RSU1: variants seen among roughly 807,000 people sequenced by gnomAD.
The protein encoded by RSU1 is Ras suppressor protein 1, also known as rsu-1.
RSU1 carries 26 observed loss-of-function variants against 31.1 expected under a neutral mutation model. The ratio of observed to expected loss-of-function variants is 0.84; its 90% CI spans 0.61 to 1.16. The LOEUF (loss-of-function observed/expected upper bound fraction) is 1.16. RSU1 is among the 50% of genes most tolerant of loss of function. RSU1 has a pLI of 0.00. For missense variants in RSU1, 320 were observed against 339.1 expected (o/e 0.94, Z 0.44); for synonymous variants, 164 against 136.3 (o/e 1.20, Z -1.41).
Position 16,643,174 on chromosome 10 carries a change from G to A in RSU1, c.732-49678C>T, listed in dbSNP as rs553098428. On this transcript the variant is annotated intron_variant, in intron 8 of 8. Coordinates refer to ENST00000345264, the MANE Select transcript of RSU1 (RefSeq NM_012425.4). ...TATGAACTCAGTAATGCCCAGCTATGGGGGTGATATGGATTTGTCTGGATG... is the reference window on the plus strand; with the variant it reads ...TATGAACTCAGTAATGCCCAGCTATAGGGGTGATATGGATTTGTCTGGATG... Among the ~76,000 whole-genome samples, 3 of 152,260 alleles carry A rather than the reference G, an allele frequency of 2.0e-5. No homozygotes were observed. In the East Asian group the frequency reaches 5.8e-4, roughly 29 times the overall value.
At chr10:16,658,062 G>A (rs1476484424) in intron 8 of RSU1, among the ~76,000 whole-genome samples, 1 of 152,056 alleles carries the variant, frequency 6.6e-6, no homozygotes, top group Non-Finnish European at 1.5e-5. Context: ...ATGCCCCGGG[G>A]GATTCTTCTA....
intron 8 of RSU1, among the ~76,000 whole-genome samples, chr10:16,653,659 C>T (rs1432246770): frequency 3.9e-5 from 6 of 151,948 alleles, no homozygotes. Flanking sequence ...GCTACAAACA[C>T]TGAGTATTAT....
At chr10:16,660,821 A>ATT (rs766684673) in intron 8 of RSU1, among the ~76,000 whole-genome samples, 21 of 151,226 alleles carry the variant, frequency 1.4e-4, no homozygotes, top group Middle Eastern at 3.2e-3. Context: ...TAATTTTTGT[A>ATT]TTTTTAGTAG....
intron 8 of RSU1, among the ~76,000 whole-genome samples, chr10:16,618,737 C>G (rs1190646395): frequency 6.6e-6 from 1 of 152,182 alleles, no homozygotes; most frequent in Admixed American, 6.5e-5. Context: ...AACAGAAAAC[C>G]AGACACCACA....
intron 2 of RSU1, among the ~76,000 whole-genome samples, chr10:16,814,610 C>A (rs1358558287): frequency 2.0e-5 from 3 of 152,166 alleles, no homozygotes; most frequent in Non-Finnish European, 4.4e-5. Flanking sequence ...CTGGAACCCC[C>A]TAGGCTCCGA....
rs909991408 is a variant in RSU1 at position 16,789,721 on chromosome 10, A to T, written c.110-7637T>A. 4.4e-4 allele frequency among the ~76,000 whole-genome samples: 67 copies of T among 152,274 alleles called. 1 individual carries two copies. The highest frequency in any genetic ancestry group is 4.1e-4 in the Non-Finnish European group (28 of 68,022). On this transcript the variant is annotated intron_variant, in intron 2 of 8. Coordinates refer to ENST00000345264, the MANE Select transcript of RSU1 (RefSeq NM_012425.4). The stretch of plus-strand genomic sequence containing the variant: ...TGCTGACCGTAATCACACCTGGTAG[A>T]TTTTCTGCTGTGTTGATAACATCTT...
chr10:16,602,553 A>T (rs1235769232), intron 8 of RSU1, among the ~76,000 whole-genome samples: 1 of 152,196 alleles, frequency 6.6e-6, no homozygotes, highest in Non-Finnish European at 1.5e-5. Flanking sequence ...TGCAGGCTTA[A>T]CTTCTTTTGT....
intron 5 of RSU1, among the ~76,000 whole-genome samples, chr10:16,753,388 G>A (rs1377625320): frequency 1.3e-5 from 2 of 152,124 alleles, no homozygotes; most frequent in Non-Finnish European, 1.5e-5. Context: ...GGATACCTAG[G>A]GCAAAAGGGT....
chr10:16,758,956 TG>T (rs1263291401), intron 4 of RSU1, among the ~76,000 whole-genome samples: 1 of 152,288 alleles, frequency 6.6e-6, no homozygotes, highest in Admixed American at 6.5e-5. Flanking sequence ...AAATGCGTGT[TG>T]GAAGTGGGCA....
chr10:16,719,431 A>G (rs1209172091), intron 7 of RSU1, among the ~76,000 whole-genome samples: 1 of 152,114 alleles, frequency 6.6e-6, no homozygotes, highest in Non-Finnish European at 1.5e-5. Flanking sequence ...CAAACACACC[A>G]TGGGCTGTCG....
chr10:16,612,119 T>C (rs916261385), intron 8 of RSU1, among the ~76,000 whole-genome samples: 1 of 152,224 alleles, frequency 6.6e-6, no homozygotes. Context: ...AATGCCACAC[T>C]ACGCTCAGAA....
chr10:16,690,793 C>G (rs2131558407), intron 8 of RSU1, among the ~76,000 whole-genome samples: 1 of 152,194 alleles, frequency 6.6e-6, no homozygotes, highest in South Asian at 2.1e-4. Flanking sequence ...TTATTCCTCT[C>G]ATTTAGGTAA....
chr10:16,626,600 G>A (rs546273936), intron 8 of RSU1, among the ~76,000 whole-genome samples: 1 of 152,288 alleles, frequency 6.6e-6, no homozygotes, highest in Non-Finnish European at 1.5e-5. Flanking sequence ...AGATTCTGGG[G>A]TCAGACAGAT....
intron 2 of RSU1, among the ~76,000 whole-genome samples, chr10:16,814,877 C>T (rs1258797963): frequency 1.3e-5 from 2 of 152,184 alleles, no homozygotes; most frequent in South Asian, 2.1e-4. Flanking sequence ...AAAGAGATAA[C>T]GGAGCTGAAC....
At chr10:16,607,439 G>A (rs1339376683) in intron 8 of RSU1, among the ~76,000 whole-genome samples, 2 of 152,234 alleles carry the variant, frequency 1.3e-5, no homozygotes, top group Non-Finnish European at 2.9e-5. Flanking sequence ...GTGTCAGAGT[G>A]CAGGGCAGAG....
At chr10:16,626,083 T>TAACG (rs1834155178) in intron 8 of RSU1, among the ~76,000 whole-genome samples, 1 of 152,046 alleles carries the variant, frequency 6.6e-6, no homozygotes, top group Non-Finnish European at 1.5e-5. Context: ...CTCACTCCGT[T>TAACG]GCCCAGGCTG....
chr10:16,673,802 C>G (rs942057420), intron 8 of RSU1, among the ~76,000 whole-genome samples: 2 of 152,176 alleles, frequency 1.3e-5, no homozygotes, highest in Non-Finnish European at 2.9e-5. Context: ...TGCCTAGGTC[C>G]TTAGGTTCAG....
intron 7 of RSU1, among the ~76,000 whole-genome samples, chr10:16,742,957 G>A (rs1203447917): frequency 6.6e-6 from 1 of 152,120 alleles, no homozygotes; most frequent in East Asian, 1.9e-4. Flanking sequence ...TATATAAAAT[G>A]GAACTTGTTA....
chr10:16,756,874 G>T (rs1390480206), intron 4 of RSU1, among the ~76,000 whole-genome samples: 46 of 146,930 alleles, frequency 3.1e-4, no homozygotes, highest in African/African-American at 1.1e-3. Flanking sequence ...TGTGTATCTG[G>T]GTGTTTCGTG....
Sources: allele counts gnomAD v4.1 joint callset (sites outside exome capture counted in the v4.1 genomes callset), GRCh38; gene constraint gnomAD v4.1.1; transcripts MANE v1.5; gene names NCBI Gene and HGNC (gene_info 2026-07-23, HGNC 2026-07-21).